CCDC33: variants seen among roughly 807,000 people sequenced by gnomAD.
The protein encoded by CCDC33 is coiled-coil domain containing 33, also known as coiled-coil domain-containing protein 33.
A neutral mutation model predicts 91.9 loss-of-function variants in CCDC33; 94 were observed. That is an observed-to-expected ratio of 1.02 (90% CI 0.87 to 1.21). The LOEUF (loss-of-function observed/expected upper bound fraction) is 1.21. CCDC33 is among the 50% of genes most tolerant of loss of function. The pLI, the probability that CCDC33 is intolerant of heterozygous loss-of-function variation, is 0.00. For synonymous variants in CCDC33, 396 were observed against 374.5 expected (o/e 1.06, Z -0.66); for missense variants, 940 against 935.5 (o/e 1.00, Z -0.06).
At chr15:74,264,518 C>T (rs928200982) in intron 3 of CCDC33, among the ~76,000 whole-genome samples, 5 of 152,132 alleles carry the variant, frequency 3.3e-5, no homozygotes, top group Admixed American at 6.5e-5. Context: ...GGAAAATGTA[C>T]GGCACTCACC....
At chr15:74,330,060 G>C (rs569114407) in intron 11 of CCDC33, 129 bp from the exon 12 acceptor site, 2 of 1,071,478 alleles carry the variant, frequency 1.9e-6, no homozygotes, top group East Asian at 5.1e-5. Flanking sequence ...AAGACTTAGG[G>C]CCATGGCTTG....
At chr15:74,268,499 G>GGGGC in intron 5 of CCDC33, 41 bp downstream of exon 5, 2 of 1,236,328 alleles carry the variant, frequency 1.6e-6, no homozygotes, top group Non-Finnish European at 2.3e-6. Flanking sequence ...GTGGGGGTGG[G>GGGGC]AAAGGGCCAA....
intron 6 of CCDC33, among the ~76,000 whole-genome samples, chr15:74,272,280 C>T (rs545055128): frequency 9.2e-5 from 14 of 152,310 alleles, no homozygotes; most frequent in Non-Finnish European, 1.6e-4. Context: ...TTAGCCCTGC[C>T]GGGCGGAGTC....
intron 2 of CCDC33, among the ~76,000 whole-genome samples, chr15:74,248,457 T>C (rs889888038): frequency 5.3e-5 from 8 of 152,242 alleles, no homozygotes; most frequent in Admixed American, 4.6e-4. Flanking sequence ...TCACCTGAGG[T>C]TGGGGATGGA....
At chr15:74,211,028 T>C (rs114444929) in intron 2 of CCDC33, among the ~76,000 whole-genome samples, 93 of 152,240 alleles carry the variant, frequency 6.1e-4, no homozygotes, top group African/African-American at 2.0e-3. Flanking sequence ...ACTCCTGCTG[T>C]ACCCCAGACT....
chr15:74,331,120 GC>G lies in CCDC33; in HGVS notation c.1677+9del. ...GTGCGGCACCAAGAGAAGGCAGGTG[GC>G]AGAGGGGCTGCCCCCGAGGCCAACT... On this transcript the variant is annotated intron_variant, in intron 14 of 18. Coordinates refer to ENST00000398814, the MANE Select transcript of CCDC33 (RefSeq NM_025055.5). 1 of 1,613,280 alleles carries G rather than the reference GC, an allele frequency of 6.2e-7. No homozygotes were observed. Among genetic ancestry groups the G allele is most frequent in the Non-Finnish European group, 8.5e-7 (1 of 1,179,528 alleles).
intron 1 of CCDC33, among the ~76,000 whole-genome samples, chr15:74,206,731 G>T (rs1400828130): frequency 6.6e-6 from 1 of 152,234 alleles, no homozygotes; most frequent in East Asian, 1.9e-4. Flanking sequence ...GGAAGATCTG[G>T]AATGGTAACA....
chr15:74,332,533 T>G (rs2060460567), intron 15 of CCDC33, 146 bp from the exon 16 acceptor site: 2 of 785,238 alleles, frequency 2.5e-6, no homozygotes, highest in Non-Finnish European at 4.2e-6. Flanking sequence ...TGTGTGCACC[T>G]GATCCCACTG....
At chr15:74,228,477 G>A (rs1389290498) in intron 2 of CCDC33, among the ~76,000 whole-genome samples, 3 of 152,260 alleles carry the variant, frequency 2.0e-5, no homozygotes, top group African/African-American at 7.2e-5. Context: ...GCAAGGGTTG[G>A]ACGGAAAAGC....
chr15:74,245,836 A>G (rs2075511294), intron 2 of CCDC33, among the ~76,000 whole-genome samples: 1 of 152,210 alleles, frequency 6.6e-6, no homozygotes, highest in Admixed American at 6.5e-5. Context: ...CGCCCGGGCC[A>G]GGCTGCAGCC....
At chr15:74,249,593 A>T (rs1162058072) in intron 2 of CCDC33, among the ~76,000 whole-genome samples, 1 of 152,186 alleles carries the variant, frequency 6.6e-6, no homozygotes, top group Non-Finnish European at 1.5e-5. Context: ...CCAAAAACAA[A>T]CAAACAAACA....
intron 10 of CCDC33, among the ~76,000 whole-genome samples, chr15:74,287,065 T>C (rs1220399424): frequency 6.6e-6 from 1 of 152,244 alleles, no homozygotes; most frequent in East Asian, 1.9e-4. Context: ...GGCAGCATCA[T>C]GCTGGCTTTT....
At chr15:74,263,525 A>G (rs757459694) in intron 3 of CCDC33, among the ~76,000 whole-genome samples, 1 of 152,246 alleles carries the variant, frequency 6.6e-6, no homozygotes, top group Non-Finnish European at 1.5e-5. Flanking sequence ...GAGCCTCCGT[A>G]AAAGGGGAAG....
chr15:74,245,290 C>G (rs1279342415), intron 2 of CCDC33, among the ~76,000 whole-genome samples: 2 of 152,238 alleles, frequency 1.3e-5, no homozygotes, highest in Non-Finnish European at 2.9e-5. Context: ...CCTGCCCCCC[C>G]AGGGCCCCCA....
At chr15:74,289,318 G>A (rs922598301) in intron 10 of CCDC33, among the ~76,000 whole-genome samples, 1 of 152,244 alleles carries the variant, frequency 6.6e-6, no homozygotes, top group Non-Finnish European at 1.5e-5. Flanking sequence ...GTTGGGGGCT[G>A]TGGAGCCTAG....
chr15:74,295,451 G>T (rs546986775), intron 10 of CCDC33, among the ~76,000 whole-genome samples: 1 of 151,672 alleles, frequency 6.6e-6, no homozygotes, highest in African/African-American at 2.4e-5. Context: ...TCACATCTGG[G>T]CTGAGACTTG....
At chr15:74,206,752 G>T (rs2074269800) in intron 1 of CCDC33, among the ~76,000 whole-genome samples, 1 of 152,212 alleles carries the variant, frequency 6.6e-6, no homozygotes, top group South Asian at 2.1e-4. Flanking sequence ...AGAATGAATT[G>T]ACACGTGTCT....
intron 1 of CCDC33, among the ~76,000 whole-genome samples, chr15:74,241,417 G>A (rs1264632331): frequency 1.3e-5 from 2 of 152,218 alleles, no homozygotes; most frequent in Non-Finnish European, 2.9e-5. Context: ...AAACAGCTAG[G>A]GCAGAGGCGG....
intron 1 of CCDC33, among the ~76,000 whole-genome samples, chr15:74,203,499 T>C (rs987896577): frequency 6.6e-6 from 1 of 152,370 alleles, no homozygotes; most frequent in Admixed American, 6.5e-5. Flanking sequence ...GGTGGAGGTT[T>C]AGGCCCCTAA....
Sources: gnomAD v4.1 joint callset for allele counts (sites outside exome capture counted in the v4.1 genomes callset) on GRCh38, gnomAD v4.1.1 for gene constraint, MANE v1.5 for transcripts, NCBI Gene and HGNC (gene_info 2026-07-23, HGNC 2026-07-21) for gene names.